The following ASIC2 variants were observed in gnomAD, a reference collection of about 807,000 sequenced individuals.
ASIC2 encodes the protein acid sensing ion channel subunit 2, also known as acid-sensing ion channel 2.
In ASIC2, 25 loss-of-function variants were observed where a neutral mutation model predicts 57.3. The ratio of observed to expected loss-of-function variants is 0.44; its 90% confidence interval spans 0.32 to 0.61. ASIC2 has a LOEUF of 0.61. ASIC2 is among the 20% of genes least tolerant of loss of function. ASIC2 has a pLI of 0.06. For missense variants in ASIC2, 641 were observed against 738.1 expected, an observed-to-expected ratio of 0.87 and a Z score of 1.52; for synonymous variants, 319 against 307.5, an observed-to-expected ratio of 1.04 and a Z score of -0.39.
intron 1 of ASIC2, among the ~76,000 whole-genome samples, chr17:34,154,037 C>T (rs1460784495): frequency 6.6e-6 from 1 of 152,114 alleles, no homozygotes; most frequent in Non-Finnish European, 1.5e-5. Context: ...AAGAAGCCAC[C>T]AGTTGGACAT....
chr17:33,574,968 G>A (rs1327984678), intron 1 of ASIC2, among the ~76,000 whole-genome samples: 1 of 152,040 alleles, frequency 6.6e-6, no homozygotes, highest in Non-Finnish European at 1.5e-5. Flanking sequence ...AGTAGAAACT[G>A]GTACAGATTC....
At chr17:33,268,356 TCCATC>T (rs1909555491) in intron 1 of ASIC2, among the ~76,000 whole-genome samples, 1 of 149,930 alleles carries the variant, frequency 6.7e-6, no homozygotes, top group African/African-American at 2.5e-5. Flanking sequence ...CATCCATCCA[TCCATC>T]CATCCATCCA....
chr17:33,435,892 CG>C (rs1387536460), intron 1 of ASIC2, among the ~76,000 whole-genome samples: 3 of 152,224 alleles, frequency 2.0e-5, no homozygotes, highest in Middle Eastern at 3.4e-3. Context: ...AGCCCATTTG[CG>C]GGAAATACAG....
At chr17:33,268,221 C>A (rs1909546177) in intron 1 of ASIC2, among the ~76,000 whole-genome samples, 2 of 152,148 alleles carry the variant, frequency 1.3e-5, no homozygotes, top group African/African-American at 4.8e-5. Flanking sequence ...AATCTGATGT[C>A]TTTCCAATAT....
intron 1 of ASIC2, among the ~76,000 whole-genome samples, chr17:33,988,486 C>T (rs1440223997): frequency 6.6e-6 from 1 of 152,176 alleles, no homozygotes; most frequent in Non-Finnish European, 1.5e-5. Context: ...GTCTCCTCGG[C>T]CATGTGGAAC....
chr17:33,816,832 T>C (rs1912598115), intron 1 of ASIC2: 1 of 152,218 alleles, frequency 6.6e-6, no homozygotes, highest in Admixed American at 6.5e-5. Context: ...CCTTTCCCAG[T>C]CCCCAAATCT....
intron 1 of ASIC2, among the ~76,000 whole-genome samples, chr17:33,140,850 G>T (rs186989643): frequency 1.2e-3 from 189 of 152,350 alleles, no homozygotes; most frequent in African/African-American, 4.0e-3. Flanking sequence ...CCCAGCCAGG[G>T]CTGCCTCAGT....
Position 33,293,133 on chromosome 17 carries a change from C to G in ASIC2, c.-1018G>C, listed in dbSNP as rs972465756. 2.7e-6 allele frequency: 2 copies of G among 748,262 alleles called. No homozygotes were observed. Among genetic ancestry groups the G allele is most frequent in the Non-Finnish European group, 3.3e-6 (2 of 613,580 alleles). The allele number at this position is 748,262 out of a possible 1,614,324, so 46.4% of individuals were successfully genotyped here. A position where few individuals can be genotyped will look rare whatever the true frequency, so the allele number is the denominator to read the frequency against. On this transcript the variant is annotated 5_prime_UTR_variant, in exon 1 of 10. Transcript: ENST00000225823. ...GCTGCTCCGCGCGCCCTTCTCCTCT[C>G]GAGACTCCGAGCTCGCGGTGGCCGT...
intron 1 of ASIC2, among the ~76,000 whole-genome samples, chr17:34,063,626 A>C (rs1909052075): frequency 6.6e-6 from 1 of 152,084 alleles, no homozygotes. Flanking sequence ...AACCCTAAGG[A>C]CTCCTCCAGA....
At chr17:34,088,438 T>G (rs185310155) in intron 1 of ASIC2, among the ~76,000 whole-genome samples, 2 of 152,320 alleles carry the variant, frequency 1.3e-5, no homozygotes, top group East Asian at 3.9e-4. Flanking sequence ...GTGTGAAGTG[T>G]CAGTCTGCCC....
chr17:33,538,054 A>G (rs1014678438), intron 1 of ASIC2, among the ~76,000 whole-genome samples: 11 of 152,334 alleles, frequency 7.2e-5, no homozygotes, highest in Middle Eastern at 3.4e-3. Flanking sequence ...GGAGCACTAA[A>G]GGAATAGAAG....
At chr17:33,395,084 AT>A (rs1352724560) in intron 1 of ASIC2, among the ~76,000 whole-genome samples, 2 of 151,082 alleles carry the variant, frequency 1.3e-5, no homozygotes, top group Non-Finnish European at 3.0e-5. Context: ...ATCATTTATA[AT>A]TTCATTCATC....
At chr17:33,162,314 G>A (rs1479289758) in intron 1 of ASIC2, among the ~76,000 whole-genome samples, 4 of 152,192 alleles carry the variant, frequency 2.6e-5, no homozygotes, top group Non-Finnish European at 4.4e-5. Context: ...ATGCTCAGAT[G>A]ACACTTGTTT....
At chr17:33,025,465 A>G (rs1034118948) in intron 5 of ASIC2, among the ~76,000 whole-genome samples, 12 of 152,192 alleles carry the variant, frequency 7.9e-5, no homozygotes, top group Middle Eastern at 3.4e-3. Flanking sequence ...CCTAGGCTCA[A>G]TGGAGCAGAA....
intron 1 of ASIC2, among the ~76,000 whole-genome samples, chr17:33,567,774 G>A (rs1348238688): frequency 6.6e-6 from 1 of 152,122 alleles, no homozygotes; most frequent in Non-Finnish European, 1.5e-5. Context: ...GAGGTCAAGA[G>A]CTGGGTTAGG....
At chr17:33,026,915 C>T (rs934664570) in intron 4 of ASIC2, among the ~76,000 whole-genome samples, 2 of 152,100 alleles carry the variant, frequency 1.3e-5, no homozygotes, top group East Asian at 3.8e-4. Context: ...GACATGTTTC[C>T]CTGTTTGCTC....
intron 1 of ASIC2, among the ~76,000 whole-genome samples, chr17:33,798,622 T>C (rs1208448282): frequency 6.6e-6 from 1 of 152,188 alleles, no homozygotes; most frequent in Non-Finnish European, 1.5e-5. Context: ...GTTTGTGTGT[T>C]CTGTGCCGAT....
At chr17:33,274,901 C>T (rs557303772) in intron 1 of ASIC2, among the ~76,000 whole-genome samples, 9 of 152,268 alleles carry the variant, frequency 5.9e-5, no homozygotes, top group African/African-American at 2.2e-4. Flanking sequence ...ACTCTCATCA[C>T]TCATCACTCG....
intron 3 of ASIC2, among the ~76,000 whole-genome samples, chr17:33,073,095 G>A (rs1419047729): frequency 6.6e-6 from 1 of 152,208 alleles, no homozygotes; most frequent in East Asian, 1.9e-4. Flanking sequence ...TGAAGAATGG[G>A]CAAGCTGGTA....
Sources: gnomAD v4.1 joint callset for allele counts (sites outside exome capture counted in the v4.1 genomes callset) on GRCh38, gnomAD v4.1.1 for gene constraint, MANE v1.5 for transcripts, NCBI Gene and HGNC (gene_info 2026-07-23, HGNC 2026-07-21) for gene names.